The following TRPM2 variants were observed in gnomAD, a reference collection of about 807,000 sequenced individuals.
The protein encoded by TRPM2 is transient receptor potential cation channel subfamily M member 2, also known as estrogen-responsive element-associated gene 1 protein.
In TRPM2, 161 loss-of-function variants were observed where a neutral mutation model predicts 174.0. The ratio of observed to expected loss-of-function variants is 0.93; its 90% CI spans 0.81 to 1.05. TRPM2 has a LOEUF of 1.05. TRPM2 is among the 50% of genes least tolerant of loss of function. TRPM2 has a pLI of 0.00. For missense variants in TRPM2, 2,057 were observed against 2,038.0 expected, an observed-to-expected ratio of 1.01 and a Z score of -0.18; for synonymous variants, 954 against 861.3, an observed-to-expected ratio of 1.11 and a Z score of -1.88.
At position 44,430,708 on chromosome 21, in the gene TRPM2, C is replaced by T. The variant is rs1482542821; in HGVS notation, c.3974+3597C>T. On this transcript the variant is annotated intron_variant, in intron 27 of 31. Coordinates refer to ENST00000397928, the MANE Select transcript of TRPM2 (RefSeq NM_003307.4). ...CCTCCCAAAGTGCTGGGATTACAGGCGTGAGCCACCGCGCCCGGCCGAGCA... is the reference window on the plus strand; with the variant it reads ...CCTCCCAAAGTGCTGGGATTACAGGTGTGAGCCACCGCGCCCGGCCGAGCA... Among the ~76,000 whole-genome samples the T allele has an allele frequency of 2.7e-5, 4 of 149,556 alleles. 2 individuals are homozygous for T. Among genetic ancestry groups the T allele is most frequent in the African/African-American group, 9.8e-5 (4 of 40,618 alleles).
In TRPM2 at chr21:44,418,069, G is replaced by T. The variant is rs753841643; in HGVS notation, c.3289G>T (p.Val1097Leu). Residue 1097 changes from valine (V) to leucine (L), a missense_variant, in exon 21 of 32, where the codon GTG becomes TTG. Coordinates refer to ENST00000397928, the MANE Select transcript of TRPM2 (RefSeq NM_003307.4). The stretch of plus-strand genomic sequence containing the variant: ...CCACCTGCAGCTCTTCATCAAGAGG[G>T]TGGTCCTGAAGACTCCGGCCAAGAG... ...LSHLQLFIKR[V>L]VLKTPAKRHK... 1.9e-6 allele frequency: 3 copies of T among 1,612,934 alleles called. No individual in the cohort carries two copies. The Admixed American group carries it at 5.0e-5, about 27-fold the overall frequency.
intron 5 of TRPM2, among the ~76,000 whole-genome samples, chr21:44,374,176 A>C (rs2048627577): frequency 6.6e-6 from 1 of 151,890 alleles, no homozygotes; most frequent in South Asian, 2.1e-4. Context: ...ATACCCAGCT[A>C]ATTTTTGTAT....
In TRPM2 at chr21:44,380,227, A is replaced by G. The variant is rs140940034; in HGVS notation, c.1215+1030A>G. ...TCCTTCTGTGCTTTGCGATGGTCTC[A>G]GAGTGACCTCGTTCTGCACAGATGT... On this transcript the variant is annotated intron_variant, in intron 8 of 31. Coordinates refer to ENST00000397928, the MANE Select transcript of TRPM2 (RefSeq NM_003307.4). 2.0e-5 allele frequency among the ~76,000 whole-genome samples: 3 copies of G among 152,340 alleles called. No individual in the cohort carries two copies. In the East Asian group the frequency reaches 5.8e-4, roughly 30 times the overall value.
chr21:44,381,345 G>A (rs1231334820), intron 8 of TRPM2, among the ~76,000 whole-genome samples: 1 of 151,978 alleles, frequency 6.6e-6, no homozygotes, highest in African/African-American at 2.4e-5. Context: ...TCAAGGAGGA[G>A]TAACTGTAGT....
At chr21:44,403,865 TATACACATACATACAC>T (rs2049737115) in intron 16 of TRPM2, among the ~76,000 whole-genome samples, 4 of 149,172 alleles carry the variant, frequency 2.7e-5, no homozygotes, top group African/African-American at 7.5e-5. Flanking sequence ...TACACACAAA[TATACACATACATACAC>T]ATGCACATAC....
chr21:44,362,806 C>T (rs991315310), intron 2 of TRPM2, among the ~76,000 whole-genome samples: 9 of 151,962 alleles, frequency 5.9e-5, no homozygotes, highest in Admixed American at 2.0e-4. Flanking sequence ...AGGAGTCTCC[C>T]ACTGTCTCCC....
intron 22 of TRPM2, chr21:44,422,170 C>T (rs1232137926): frequency 7.3e-7 from 1 of 1,378,548 alleles, no homozygotes; most frequent in Non-Finnish European, 9.7e-7. Context: ...GTCCCCTCCT[C>T]CAGTGAAGAA....
At position 44,424,950 on chromosome 21, in the gene TRPM2, G is replaced by A; in HGVS notation, c.3637+11G>A. 4 of 1,591,318 alleles carry A rather than the reference G, an allele frequency of 2.5e-6. No homozygotes were observed. Among genetic ancestry groups the A allele is most frequent in the East Asian group, 2.3e-5 (1 of 44,116 alleles). ...ACGTCCCCACTCTGGGTGAGTGGGT[G>A]GCCAGGCCAGCAGCTGGTCTCCAGC... On this transcript the variant is annotated intron_variant, in intron 24 of 31. Transcript: ENST00000397928.
chr21:44,380,360 C>T (rs1411694427), intron 8 of TRPM2, among the ~76,000 whole-genome samples: 1 of 152,216 alleles, frequency 6.6e-6, no homozygotes, highest in Non-Finnish European at 1.5e-5. Context: ...GCTCAGCTCC[C>T]CATGTCAGGG....
chr21:44,371,771 C>T (rs542637757), intron 5 of TRPM2, among the ~76,000 whole-genome samples: 1 of 152,312 alleles, frequency 6.6e-6, no homozygotes, highest in East Asian at 1.9e-4. Flanking sequence ...CATGATTCAG[C>T]CAACTGCGGT....
chr21:44,425,152 G>C, intron 24 of TRPM2: 1 of 559,394 alleles, frequency 1.8e-6, no homozygotes, highest in South Asian at 2.3e-5. Flanking sequence ...GACCTGACCT[G>C]GTTCCTGGAC....
At chr21:44,426,798 C>T in intron 26 of TRPM2, 62 bp downstream of exon 26, 1 of 1,588,222 alleles carries the variant, frequency 6.3e-7, no homozygotes, top group Non-Finnish European at 8.6e-7. Flanking sequence ...CCTAGGGGCT[C>T]CCTTGAGAAT....
rs566617739 is a variant in TRPM2 at position 44,441,988 on chromosome 21, A to G, written c.*171A>G. ...CCGCAAGTCTGCTGCAGATGACCTC[A>G]TGAACTGGAAGGGGTCAAGGTGACC... On this transcript the variant is annotated 3_prime_UTR_variant, in exon 32 of 32. Coordinates refer to ENST00000397928, the MANE Select transcript of TRPM2 (RefSeq NM_003307.4). The G allele has an allele frequency of 1.2e-5, 12 of 1,003,482 alleles. No homozygotes were observed. The South Asian group carries it at 2.3e-4, about 19-fold the overall frequency. 62.2% of individuals were successfully genotyped at this position (1,003,482 alleles called of 1,614,324 possible).
chr21:44,393,855 A>C (rs1343999969), intron 11 of TRPM2, among the ~76,000 whole-genome samples: 4 of 151,658 alleles, frequency 2.6e-5, no homozygotes, highest in African/African-American at 4.9e-5. Flanking sequence ...TGAGAAAGAC[A>C]TGGGTATGAC....
chr21:44,355,150 T>C (rs563728812), intron 2 of TRPM2, among the ~76,000 whole-genome samples: 6 of 151,928 alleles, frequency 3.9e-5, no homozygotes, highest in Non-Finnish European at 1.5e-5. Context: ...ACTGCCCCCC[T>C]GCACAGCTTG....
At chr21:44,427,738 G>A (rs2050859622) in intron 27 of TRPM2, among the ~76,000 whole-genome samples, 1 of 152,196 alleles carries the variant, frequency 6.6e-6, no homozygotes. Flanking sequence ...CTGAAGGACG[G>A]GGGGACTGCG....
In TRPM2 at chr21:44,354,094, G is replaced by A. The variant is rs908361940; in HGVS notation, c.165+229G>A. 6.6e-6 allele frequency among the ~76,000 whole-genome samples: 1 copy of A among 152,166 alleles called. No individual in the cohort carries two copies. On this transcript the variant is annotated intron_variant, in intron 1 of 31. Transcript: ENST00000397928. This position sits in a 1 kb window ranked among gnomAD's most constrained non-coding sequence, Gnocchi z 4.3. ...TGGTTGGTCTGATTGGGAAATCACC[G>A]GGTTAACTCAAAAATGTTGCGCTAG...
At position 44,427,132 on chromosome 21, in the gene TRPM2, C is replaced by T. The variant is rs763937931; in HGVS notation, c.3974+21C>T. 8 of 1,551,810 alleles carry T rather than the reference C, an allele frequency of 5.2e-6. No individual in the cohort carries two copies. The Admixed American group carries it at 5.9e-5, about 11-fold the overall frequency. On this transcript the variant is annotated intron_variant, in intron 27 of 31. Coordinates refer to ENST00000397928, the MANE Select transcript of TRPM2 (RefSeq NM_003307.4). ...CCCCTGTGAGTGTGCCCCCTGCGGG[C>T]CCCGCCCCGTCAGCCTTTGGGGTTT...
intron 2 of TRPM2, among the ~76,000 whole-genome samples, chr21:44,360,415 T>C (rs2048178039): frequency 6.6e-6 from 1 of 152,126 alleles, no homozygotes; most frequent in South Asian, 2.1e-4. Context: ...TGCTTTTAAC[T>C]TTTTATTTTG....
Sources: allele counts gnomAD v4.1 joint callset (sites outside exome capture counted in the v4.1 genomes callset), GRCh38; gene constraint gnomAD v4.1.1; non-coding constraint Gnocchi (gnomAD v3.1); transcripts MANE v1.5; gene names NCBI Gene and HGNC (gene_info 2026-07-23, HGNC 2026-07-21).